The following GMDS variants were observed in gnomAD, a reference collection of about 807,000 sequenced individuals.
GMDS encodes GDP-mannose 4,6 dehydratase.
In GMDS, 20 loss-of-function variants were observed where a neutral mutation model predicts 49.9. That is an observed-to-expected ratio of 0.40 (90% confidence interval 0.28 to 0.58). The LOEUF is 0.58. Ranked by LOEUF, GMDS falls within the 20% of genes least tolerant of loss-of-function variation. GMDS has a pLI of 0.42. For missense variants in GMDS, 362 were observed against 481.4 expected, an observed-to-expected ratio of 0.75 and a Z score of 2.32; for synonymous variants, 177 against 178.6, an observed-to-expected ratio of 0.99 and a Z score of 0.07.
At chr6:2,007,651 A>G (rs1767282393) in intron 4 of GMDS, among the ~76,000 whole-genome samples, 1 of 151,706 alleles carries the variant, frequency 6.6e-6, no homozygotes, top group Admixed American at 6.6e-5. Context: ...GTTCTTCTAC[A>G]TTCAAGAATA....
At chr6:2,107,081 AAC>A (rs1774285683) in intron 4 of GMDS, among the ~76,000 whole-genome samples, 1 of 152,190 alleles carries the variant, frequency 6.6e-6, no homozygotes. Context: ...ACTATTTATA[AAC>A]ACATTAAGGG....
In GMDS at chr6:2,189,631, T is replaced by G. The variant is rs369215952; in HGVS notation, c.102+55690A>C. On this transcript the variant is annotated intron_variant, in intron 1 of 10. Coordinates refer to ENST00000380815, the MANE Select transcript of GMDS (RefSeq NM_001500.4). Reference sequence around the variant, plus strand: ...ACTTCATAATCTCCTGCCTTCATAGTTCTGAATATACATCCAGAGCATTTT... The same window carrying G: ...ACTTCATAATCTCCTGCCTTCATAGGTCTGAATATACATCCAGAGCATTTT... 4.2e-4 allele frequency among the ~76,000 whole-genome samples: 64 copies of G among 152,308 alleles called. No homozygotes were observed. In the East Asian group the frequency reaches 8.3e-3, roughly 20 times the overall value.
chr6:1,784,390 CAA>C (rs780517217), intron 7 of GMDS, among the ~76,000 whole-genome samples: 85 of 40,470 alleles, frequency 2.1e-3, no homozygotes, highest in South Asian at 5.6e-3. Context: ...AGACTCGTCT[CAA>C]AAAAAAAAAA....
chr6:1,879,075 T>C (rs142569491), intron 7 of GMDS, among the ~76,000 whole-genome samples: 14 of 152,318 alleles, frequency 9.2e-5, no homozygotes, highest in African/African-American at 3.4e-4. Flanking sequence ...TTTCAAATAG[T>C]TGCTAAATAA....
intron 4 of GMDS, among the ~76,000 whole-genome samples, chr6:2,017,715 T>TTA (rs1767998506): frequency 1.3e-5 from 2 of 152,232 alleles, no homozygotes; most frequent in African/African-American, 4.8e-5. Context: ...TGCTAACTAC[T>TTA]TACTGTTGAC....
At chr6:1,644,686 G>A (rs1369534146) in intron 9 of GMDS, among the ~76,000 whole-genome samples, 3 of 152,170 alleles carry the variant, frequency 2.0e-5, no homozygotes, top group African/African-American at 4.8e-5. Flanking sequence ...GATTTATGGC[G>A]AAGAGGAGGG....
At chr6:1,681,282 T>C (rs1005715254) in intron 9 of GMDS, among the ~76,000 whole-genome samples, 6 of 152,082 alleles carry the variant, frequency 3.9e-5, no homozygotes, top group South Asian at 4.1e-4. Context: ...CTGGTACTTG[T>C]TGGGCTGTGA....
At chr6:1,732,006 T>C (rs1373865436) in intron 8 of GMDS, among the ~76,000 whole-genome samples, 1 of 152,198 alleles carries the variant, frequency 6.6e-6, no homozygotes, top group Non-Finnish European at 1.5e-5. Flanking sequence ...CTGTTAGCTC[T>C]ACAGTAAACA....
At chr6:1,690,578 C>T (rs548745442) in intron 9 of GMDS, among the ~76,000 whole-genome samples, 32 of 152,124 alleles carry the variant, frequency 2.1e-4, no homozygotes, top group African/African-American at 7.0e-4. Flanking sequence ...AGACAACCTA[C>T]GGAATGGGAG....
intron 8 of GMDS, among the ~76,000 whole-genome samples, chr6:1,728,268 G>GT (rs1766662207): frequency 6.6e-6 from 1 of 152,114 alleles, no homozygotes; most frequent in Admixed American, 6.5e-5. Flanking sequence ...AAAGTTAATT[G>GT]TTTAAGTAGA....
chr6:1,679,316 G>A (rs140672921), intron 9 of GMDS: 1 of 152,202 alleles, frequency 6.6e-6, no homozygotes, highest in Non-Finnish European at 1.5e-5. Context: ...TTAGGCCATC[G>A]GGGTGGGCTG....
chr6:1,733,559 G>T (rs1229598896), intron 8 of GMDS, among the ~76,000 whole-genome samples: 5 of 152,204 alleles, frequency 3.3e-5, no homozygotes, highest in Admixed American at 2.6e-4. Context: ...GCTCATGCCT[G>T]TAATCCCAGT....
chr6:1,876,960 T>C (rs1759099144), intron 7 of GMDS, among the ~76,000 whole-genome samples: 1 of 152,190 alleles, frequency 6.6e-6, no homozygotes, highest in African/African-American at 2.4e-5. Context: ...TGATCTGACA[T>C]CCTGTATCTC....
At chr6:2,144,432 G>A (rs138617212) in intron 1 of GMDS, among the ~76,000 whole-genome samples, 1 of 152,188 alleles carries the variant, frequency 6.6e-6, no homozygotes, top group African/African-American at 2.4e-5. Flanking sequence ...TGGACTTCCA[G>A]GAAAAACAAG....
In GMDS at chr6:2,010,515, T is replaced by A. The variant is rs144501331; in HGVS notation, c.346-49549A>T. Among the ~76,000 whole-genome samples the A allele has an allele frequency of 5.5e-3, 830 of 152,202 alleles. 12 individuals carry two copies. Among genetic ancestry groups the A allele is most frequent in the African/African-American group, 0.019 (797 of 41,548 alleles). ...ATCTAATCTAAAAAGAGTTTTAAAG[T>A]GCTAAAAGTCACTAGCATTCTATAT... On this transcript the variant is annotated intron_variant, in intron 4 of 10. Transcript: ENST00000380815.
chr6:1,742,269 G>C (rs1242777411), intron 8 of GMDS, among the ~76,000 whole-genome samples, 199 bp downstream of exon 8: 2 of 152,106 alleles, frequency 1.3e-5, no homozygotes, highest in African/African-American at 2.4e-5. Context: ...ACTTGGTTTA[G>C]ATGCTGACCA....
At chr6:2,205,006 A>AT (rs763134324) in intron 1 of GMDS, among the ~76,000 whole-genome samples, 8 of 152,166 alleles carry the variant, frequency 5.3e-5, no homozygotes, top group African/African-American at 1.7e-4. Context: ...CTAATATTGA[A>AT]TTTTTTTTAC....
chr6:1,831,910 A>C (rs1475945186), intron 7 of GMDS, among the ~76,000 whole-genome samples: 2 of 152,288 alleles, frequency 1.3e-5, no homozygotes, highest in East Asian at 3.9e-4. Context: ...TTGTAAATAC[A>C]TAATTCCAAG....
chr6:1,713,709 T>C (rs941261574), intron 9 of GMDS, among the ~76,000 whole-genome samples: 1 of 152,220 alleles, frequency 6.6e-6, no homozygotes, highest in African/African-American at 2.4e-5. Context: ...TTTGGCGGCA[T>C]GAAGCACAAA....
Sources: allele counts gnomAD v4.1 joint callset (sites outside exome capture counted in the v4.1 genomes callset), GRCh38; gene constraint gnomAD v4.1.1; transcripts MANE v1.5; gene names NCBI Gene and HGNC (gene_info 2026-07-23, HGNC 2026-07-21).